OSTM1: variants seen among roughly 807,000 people sequenced by gnomAD.
The protein encoded by OSTM1 is osteoclastogenesis associated transmembrane protein 1, also known as osteopetrosis-associated transmembrane protein 1.
A neutral mutation model predicts 35.4 loss-of-function variants in OSTM1; 26 were observed. The ratio of observed to expected loss-of-function variants is 0.73; its 90% CI spans 0.54 to 1.02. The LOEUF (loss-of-function observed/expected upper bound fraction) is 1.02. Among genes scored for constraint, OSTM1 ranks in the 50% least tolerant of loss-of-function variants. The pLI is 0.00. For synonymous variants in OSTM1, 181 were observed against 165.0 expected, an observed-to-expected ratio of 1.10 and a Z score of -0.75; for missense variants, 366 against 409.6, an observed-to-expected ratio of 0.89 and a Z score of 0.92.
At chr6:108,057,096 C>A (rs544681074) in intron 2 of OSTM1, among the ~76,000 whole-genome samples, 4 of 152,040 alleles carry the variant, frequency 2.6e-5, no homozygotes, top group African/African-American at 9.7e-5. Context: ...GGCATGGTGG[C>A]GTGCATCTGT....
At chr6:108,060,590 G>C (rs1318695713) in intron 2 of OSTM1, among the ~76,000 whole-genome samples, 1 of 152,050 alleles carries the variant, frequency 6.6e-6, no homozygotes, top group African/African-American at 2.4e-5. Context: ...TCCTCGTGCT[G>C]CCTGTAGCCC....
At chr6:108,059,429 C>A (rs1772234992) in intron 2 of OSTM1, among the ~76,000 whole-genome samples, 1 of 152,110 alleles carries the variant, frequency 6.6e-6, no homozygotes, top group Admixed American at 6.6e-5. Context: ...CACAGGAATT[C>A]TGAGAAGAAA....
intron 1 of OSTM1, among the ~76,000 whole-genome samples, chr6:108,066,717 G>A (rs1471977666): frequency 6.6e-6 from 1 of 152,116 alleles, no homozygotes; most frequent in Admixed American, 6.5e-5. Context: ...GAAGAGTTTG[G>A]CCTTGATGGG....
At chr6:108,058,327 C>T (rs577576588) in intron 2 of OSTM1, among the ~76,000 whole-genome samples, 21 of 152,188 alleles carry the variant, frequency 1.4e-4, no homozygotes, top group Admixed American at 4.6e-4. Flanking sequence ...CAGAGATAAT[C>T]ACCAATTTAG....
intron 5 of OSTM1, among the ~76,000 whole-genome samples, chr6:108,048,760 T>C (rs1365296227): frequency 6.8e-6 from 1 of 147,946 alleles, no homozygotes; most frequent in African/African-American, 2.5e-5. Context: ...TTTTTTTTTT[T>C]TTTTTTTTTT....
Position 108,044,270 on chromosome 6 carries a change from G to C in OSTM1, c.*515C>G, listed in dbSNP as rs1005151740. 3 of 152,470 alleles carry C rather than the reference G, an allele frequency of 2.0e-5. No homozygotes were observed. The highest frequency in any genetic ancestry group is 7.2e-5 in the African/African-American group (3 of 41,396). The allele number at this position is 152,470 out of a possible 1,614,324, so 9.4% of individuals were successfully genotyped here. ...ATCAGTGGTTTCAAAAATGACTCTAGGGAAACTAGAGACTGAATTATATAT... is the reference window on the plus strand; with the variant it reads ...ATCAGTGGTTTCAAAAATGACTCTACGGAAACTAGAGACTGAATTATATAT... On this transcript the variant is annotated 3_prime_UTR_variant, in exon 6 of 6. Transcript: ENST00000193322.
chr6:108,070,362 T>A (rs111836694), intron 1 of OSTM1, among the ~76,000 whole-genome samples: 4,441 of 152,228 alleles, frequency 0.029, 185 homozygotes, highest in African/African-American at 0.092. Context: ...TAACTTGGCA[T>A]TCCTTTCACT....
At chr6:108,046,274 C>A (rs2114587967) in intron 5 of OSTM1, among the ~76,000 whole-genome samples, 1 of 150,568 alleles carries the variant, frequency 6.6e-6, no homozygotes, top group South Asian at 2.1e-4. Context: ...TCTGCCCCGG[C>A]CTCCCAAAGT....
intron 2 of OSTM1, 22 bp downstream of exon 2, chr6:108,064,163 T>C: frequency 8.4e-7 from 1 of 1,195,138 alleles, no homozygotes; most frequent in Non-Finnish European, 1.2e-6. Flanking sequence ...AACTGCAACA[T>C]GAAAATGAAA....
chr6:108,049,584 C>A, intron 4 of OSTM1, 166 bp from the exon 5 acceptor site: 1 of 1,430,934 alleles, frequency 7.0e-7, no homozygotes. Context: ...GGAAAAAAAC[C>A]TGGTTCAAAA....
rs192852777 is a variant in OSTM1 at position 108,052,293 on chromosome 6, C to T, written c.616-1095G>A. Reference sequence around the variant, plus strand: ...ACTAAAAATACAAAACTTAGCCGGGCGTGGTGGCGGGCACCTGTAGTCCCA... The same window carrying T: ...ACTAAAAATACAAAACTTAGCCGGGTGTGGTGGCGGGCACCTGTAGTCCCA... On this transcript the variant is annotated intron_variant, in intron 3 of 5. Coordinates refer to ENST00000193322, the MANE Select transcript of OSTM1 (RefSeq NM_014028.4). Among the ~76,000 whole-genome samples the T allele has an allele frequency of 2.0e-3, 306 of 152,094 alleles. 1 individual carries two copies. The highest frequency in any genetic ancestry group is 6.9e-3 in the African/African-American group (285 of 41,502).
At chr6:108,061,493 A>T (rs1327429633) in intron 2 of OSTM1, among the ~76,000 whole-genome samples, 11 of 145,510 alleles carry the variant, frequency 7.6e-5, no homozygotes, top group African/African-American at 1.0e-4. Flanking sequence ...TTTTTTTTTT[A>T]AAGGCTTAGA....
At chr6:108,056,573 A>G (rs1772172910) in intron 2 of OSTM1, among the ~76,000 whole-genome samples, 1 of 152,240 alleles carries the variant, frequency 6.6e-6, no homozygotes, top group Non-Finnish European at 1.5e-5. Context: ...CAGACAGCAC[A>G]GTAAAGCTCC....
At chr6:108,058,823 T>G (rs957050977) in intron 2 of OSTM1, among the ~76,000 whole-genome samples, 3 of 152,274 alleles carry the variant, frequency 2.0e-5, no homozygotes, top group Non-Finnish European at 2.9e-5. Flanking sequence ...GGTTAATCAT[T>G]AAGTACTATT....
chr6:108,074,172 C>T, intron 1 of OSTM1, 78 bp downstream of exon 1: 1 of 1,430,408 alleles, frequency 7.0e-7, no homozygotes, highest in Non-Finnish European at 9.7e-7. Context: ...ACTGAGGCCC[C>T]CAGCGCTGAC....
chr6:108,065,297 T>C (rs2027879), intron 1 of OSTM1, among the ~76,000 whole-genome samples: 41,429 of 149,756 alleles, frequency 0.28, 6,117 homozygotes, highest in Admixed American at 0.45. Context: ...TGGAGTGCAG[T>C]GACGCAATCT....
At chr6:108,060,193 AAG>A (rs1365550790) in intron 2 of OSTM1, among the ~76,000 whole-genome samples, 1 of 152,130 alleles carries the variant, frequency 6.6e-6, no homozygotes, top group Admixed American at 6.5e-5. Context: ...TTTAATTGGG[AAG>A]AGTCTTTTAA....
At chr6:108,068,927 A>G (rs1224218616) in intron 1 of OSTM1, among the ~76,000 whole-genome samples, 3 of 152,100 alleles carry the variant, frequency 2.0e-5, no homozygotes, top group Admixed American at 2.0e-4. Context: ...CTTCTTGCTC[A>G]CTGTGCTGTG....
At chr6:108,059,903 T>C (rs1235706983) in intron 2 of OSTM1, among the ~76,000 whole-genome samples, 1 of 152,230 alleles carries the variant, frequency 6.6e-6, no homozygotes, top group Non-Finnish European at 1.5e-5. Flanking sequence ...CTAATCTCTC[T>C]AACCACATCT....
Sources: gnomAD v4.1 joint callset for allele counts (sites outside exome capture counted in the v4.1 genomes callset) on GRCh38, gnomAD v4.1.1 for gene constraint, MANE v1.5 for transcripts, NCBI Gene and HGNC (gene_info 2026-07-23, HGNC 2026-07-21) for gene names.